TRIM2: variants seen among roughly 807,000 people sequenced by gnomAD.
TRIM2 encodes the protein tripartite motif-containing protein 2.
TRIM2 carries 20 observed loss-of-function variants against 75.2 expected under a neutral mutation model. The observed-to-expected ratio is 0.27, with a 90% CI of 0.19 to 0.39. TRIM2 has a LOEUF of 0.39. Among genes scored for constraint, TRIM2 ranks in the 10% least tolerant of loss-of-function variants. TRIM2 has a pLI of 1.00. For missense variants in TRIM2, 660 were observed against 990.8 expected, an observed-to-expected ratio of 0.67 and a Z score of 4.48; for synonymous variants, 373 against 388.3, an observed-to-expected ratio of 0.96 and a Z score of 0.46.
At position 153,295,982 on chromosome 4, in the gene TRIM2, A is replaced by G. The variant is rs1762684157; in HGVS notation, c.1456A>G (p.Ser486Gly). 6 of 1,533,968 alleles carry G rather than the reference A, an allele frequency of 3.9e-6. No homozygotes were observed. The highest frequency in any genetic ancestry group is 1.3e-5 in the South Asian group (1 of 76,860). The change falls in exon 6 of 12, where the codon AGC becomes GGC. Residue 486 changes from serine (S) to glycine (G), a missense_variant. Coordinates refer to ENST00000338700, the MANE Select transcript of TRIM2 (RefSeq NM_015271.5). The surrounding 1 kb of genome is among the most constrained non-coding windows in gnomAD (Gnocchi z 7.2). ...KAVKRPASMY[S>G]TGKRKENPIE... The stretch of plus-strand genomic sequence containing the variant: ...TGTGAAAAGACCCGCAAGCATGTAC[A>G]GCACTGGAAAACGAAAAGAGAATCC...
intron 1 of TRIM2, among the ~76,000 whole-genome samples, chr4:153,165,778 C>T (rs1383607613): frequency 6.6e-6 from 1 of 152,152 alleles, no homozygotes; most frequent in Non-Finnish European, 1.5e-5. Flanking sequence ...TAGCCATCCT[C>T]ACTCTCCTTT....
intron 1 of TRIM2, among the ~76,000 whole-genome samples, chr4:153,245,871 G>A (rs1264845338): frequency 6.6e-6 from 1 of 151,556 alleles, no homozygotes; most frequent in Non-Finnish European, 1.5e-5. Context: ...TAGAGACAGG[G>A]TTTTGCCATG....
intron 8 of TRIM2, among the ~76,000 whole-genome samples, chr4:153,320,328 A>G (rs1412631554): frequency 2.6e-5 from 4 of 152,270 alleles, no homozygotes; most frequent in Non-Finnish European, 1.5e-5. Flanking sequence ...GAATAAAAGG[A>G]GCATATAAAG....
chr4:153,239,178 C>T (rs1367720589), intron 1 of TRIM2, among the ~76,000 whole-genome samples: 1 of 152,094 alleles, frequency 6.6e-6, no homozygotes, highest in Non-Finnish European at 1.5e-5. Flanking sequence ...CAGCGAAACC[C>T]CATCTCTACT....
chr4:153,201,678 G>A (rs1441061890), upstream of TRIM2, among the ~76,000 whole-genome samples: 2 of 152,046 alleles, frequency 1.3e-5, no homozygotes, highest in Non-Finnish European at 2.9e-5. Flanking sequence ...CTGGGTGACA[G>A]AGTAGGACTT....
chr4:153,227,494 A>T (rs1366812530), intron 1 of TRIM2, among the ~76,000 whole-genome samples: 1 of 152,220 alleles, frequency 6.6e-6, no homozygotes, highest in Non-Finnish European at 1.5e-5. Flanking sequence ...TTTGCTGACT[A>T]CATGCAATTT....
At position 153,172,008 on chromosome 4, in the gene TRIM2, T is replaced by C. The variant is rs1311332611; in HGVS notation, c.-49+18738T>C. Among the ~76,000 whole-genome samples the C allele has an allele frequency of 3.9e-5, 6 of 152,114 alleles. 1 individual carries two copies. The highest frequency in any genetic ancestry group is 3.9e-4 in the Admixed American group (6 of 15,266). ...AATATAATGTAATACCTAGACCATA[T>C]TCAAATTGATTACCTCAAAGGTGTC... On this transcript the variant is annotated intron_variant, in intron 1 of 11. Coordinates refer to the TRIM2 transcript ENST00000437508.
At chr4:153,286,836 C>A (rs1760750654) in intron 3 of TRIM2, among the ~76,000 whole-genome samples, 1 of 150,374 alleles carries the variant, frequency 6.7e-6, no homozygotes. Flanking sequence ...TTATAATATC[C>A]TTTCTGTCAA....
At chr4:153,316,525 G>A (rs1767621058) in intron 8 of TRIM2, among the ~76,000 whole-genome samples, 1 of 152,072 alleles carries the variant, frequency 6.6e-6, no homozygotes. Context: ...AGTCTCTAAT[G>A]AGTCGTACAT....
chr4:153,192,908 G>C lies in TRIM2; in HGVS notation c.-49+39638G>C, dbSNP rs190232940. Among the ~76,000 whole-genome samples the C allele has an allele frequency of 5.3e-5, 8 of 152,210 alleles. No individual in the cohort carries two copies. In the East Asian group the frequency reaches 1.4e-3, roughly 26 times the overall value. ...AACTGTGACTTTCTGGTTCAGACCA[G>C]CCCACCCAAGTCCACCATCAGTTGT... On this transcript the variant is annotated intron_variant, in intron 1 of 11. Coordinates refer to the TRIM2 transcript ENST00000437508.
At chr4:153,219,792 T>A (rs183611393) in intron 1 of TRIM2, among the ~76,000 whole-genome samples, 1 of 152,234 alleles carries the variant, frequency 6.6e-6, no homozygotes. Context: ...GGCTTGAGCT[T>A]GGGAGGCAGA....
At chr4:153,218,997 C>A (rs1288965645) in intron 1 of TRIM2, among the ~76,000 whole-genome samples, 1 of 152,052 alleles carries the variant, frequency 6.6e-6, no homozygotes, top group South Asian at 2.1e-4. Context: ...TGTCCTGACC[C>A]CCCCCATTCT....
intron 3 of TRIM2, among the ~76,000 whole-genome samples, chr4:153,279,962 AG>A (rs1191890267): frequency 2.0e-5 from 3 of 147,374 alleles, no homozygotes; most frequent in South Asian, 2.1e-4. Flanking sequence ...AAAAAAAAGC[AG>A]GGGGGGATAG....
intron 1 of TRIM2, among the ~76,000 whole-genome samples, chr4:153,184,479 T>G (rs576893090): frequency 6.6e-6 from 1 of 152,256 alleles, no homozygotes; most frequent in South Asian, 2.1e-4. Context: ...TACAGCCACA[T>G]TGGGGGCTAG....
At chr4:153,303,670 G>A (rs1336352110) in intron 6 of TRIM2, among the ~76,000 whole-genome samples, 6 of 152,032 alleles carry the variant, frequency 3.9e-5, no homozygotes, top group South Asian at 2.1e-4. Context: ...CTTTTCAGCC[G>A]GTGACATACA....
intron 3 of TRIM2, chr4:153,276,347 A>T: frequency 1.7e-6 from 1 of 589,190 alleles, no homozygotes; most frequent in South Asian, 2.2e-5. Context: ...TCCTTCACAC[A>T]TATTGTTGGT....
chr4:153,266,344 G>GT (rs768231926), intron 1 of TRIM2, among the ~76,000 whole-genome samples: 33,970 of 119,820 alleles, frequency 0.28, 5,185 homozygotes, highest in South Asian at 0.34. Flanking sequence ...TAATTTTTGG[G>GT]TTTTTTTTTT....
chr4:153,332,645 C>T, intron 11 of TRIM2, among the ~76,000 whole-genome samples: 1 of 90,100 alleles, frequency 1.1e-5, no homozygotes, highest in East Asian at 2.9e-4. Flanking sequence ...AATTTCGTCT[C>T]AAAAAAAAAA....
chr4:153,315,420 C>G (rs1281832230), intron 6 of TRIM2, 65 bp from the exon 7 acceptor site: 1 of 1,303,164 alleles, frequency 7.7e-7, no homozygotes. Flanking sequence ...GAATTATTCT[C>G]TTGCTGAAAC....
Sources: gnomAD v4.1 joint callset for allele counts (sites outside exome capture counted in the v4.1 genomes callset) on GRCh38, gnomAD v4.1.1 for gene constraint, Gnocchi (gnomAD v3.1) non-coding constraint, MANE v1.5 for transcripts, NCBI Gene and HGNC (gene_info 2026-07-23, HGNC 2026-07-21) for gene names.